TMEM108: variants seen among roughly 807,000 people sequenced by gnomAD.
TMEM108 encodes the protein cancer/testis antigen 124.
TMEM108 carries 12 observed loss-of-function variants against 35.1 expected under a neutral mutation model. That is an observed-to-expected ratio of 0.34 (90% CI 0.22 to 0.55). The LOEUF (loss-of-function observed/expected upper bound fraction) is 0.55. TMEM108 is among the 20% of genes least tolerant of loss of function. The probability of loss-of-function intolerance (pLI) is 0.89; values close to 1 mark genes in which losing one functional copy is unlikely to be tolerated. For missense variants in TMEM108, 680 were observed against 753.3 expected, an observed-to-expected ratio of 0.90 and a Z score of 1.14; for synonymous variants, 287 against 308.6, an observed-to-expected ratio of 0.93 and a Z score of 0.73.
chr3:133,275,150 C>T (rs1204198396), intron 3 of TMEM108, among the ~76,000 whole-genome samples: 1 of 152,072 alleles, frequency 6.6e-6, no homozygotes, highest in African/African-American at 2.4e-5. Context: ...TCTGACTCTA[C>T]AACTAACTGC....
At chr3:133,166,514 A>G (rs1301035678) in intron 2 of TMEM108, among the ~76,000 whole-genome samples, 1 of 152,028 alleles carries the variant, frequency 6.6e-6, no homozygotes, top group Non-Finnish European at 1.5e-5. Context: ...TGATGTTCGG[A>G]CGTGTTCGGA....
intron 2 of TMEM108, among the ~76,000 whole-genome samples, chr3:133,226,557 G>A (rs756683243): frequency 2.0e-5 from 3 of 152,046 alleles, no homozygotes; most frequent in Admixed American, 6.6e-5. Flanking sequence ...ATGCTGGTCC[G>A]TTTTGCTTCA....
chr3:133,258,943 G>A (rs1946586397), intron 3 of TMEM108, among the ~76,000 whole-genome samples: 1 of 152,190 alleles, frequency 6.6e-6, no homozygotes, highest in African/African-American at 2.4e-5. Flanking sequence ...GAAAATAATT[G>A]CTTTTGTTTT....
chr3:133,136,797 T>G (rs760680788), intron 2 of TMEM108, among the ~76,000 whole-genome samples: 18 of 152,166 alleles, frequency 1.2e-4, no homozygotes, highest in Admixed American at 2.0e-4. Flanking sequence ...ATGTTTTATT[T>G]GGGGAGCTGT....
chr3:133,146,640 G>A (rs2107762453), intron 2 of TMEM108, among the ~76,000 whole-genome samples: 1 of 152,252 alleles, frequency 6.6e-6, no homozygotes, highest in South Asian at 2.1e-4. Flanking sequence ...CTCAATTTTA[G>A]AACTTGTTAT....
chr3:133,141,738 A>G (rs1054108345), intron 2 of TMEM108, among the ~76,000 whole-genome samples: 17 of 152,180 alleles, frequency 1.1e-4, no homozygotes, highest in Admixed American at 2.6e-4. Context: ...AAAACAAAAT[A>G]TATCCACTTT....
At chr3:133,257,258 A>C (rs1241849765) in intron 3 of TMEM108, 1 of 152,226 alleles carries the variant, frequency 6.6e-6, no homozygotes, top group African/African-American at 2.4e-5. Flanking sequence ...AGGATTAACT[A>C]TAGACTTGTA....
intron 2 of TMEM108, among the ~76,000 whole-genome samples, chr3:133,183,712 A>T (rs77560257): frequency 6.6e-6 from 1 of 152,128 alleles, no homozygotes; most frequent in African/African-American, 2.4e-5. Flanking sequence ...TTGTTGAGGC[A>T]GGGAGTGGGC....
intron 2 of TMEM108, among the ~76,000 whole-genome samples, chr3:133,083,491 G>T (rs754098926): frequency 6.6e-6 from 1 of 152,188 alleles, no homozygotes; most frequent in Non-Finnish European, 1.5e-5. Context: ...CTTCCTCTCT[G>T]GTTTAATACT....
rs1347103832 is a variant in TMEM108, at chr3:133,217,423, TTGTTTGA to T, written c.-46-11839_-46-11833del. 3.3e-5 allele frequency among the ~76,000 whole-genome samples: 5 copies of T among 152,220 alleles called. No individual in the cohort carries two copies. In the South Asian group the frequency reaches 1.0e-3, roughly 32 times the overall value. On this transcript the variant is annotated intron_variant, in intron 2 of 5. Coordinates refer to ENST00000321871, the MANE Select transcript of TMEM108 (RefSeq NM_023943.4). ...TTTCTTTTGCTGTATAAAAGCTTGT[TTGTTTGA>T]TGTAATCTGATTTGTTTATTTTTGC...
At chr3:133,381,885 G>A (rs893708899) in intron 4 of TMEM108, among the ~76,000 whole-genome samples, 1 of 151,876 alleles carries the variant, frequency 6.6e-6, no homozygotes, top group Non-Finnish European at 1.5e-5. Context: ...TTTGTTCGTA[G>A]GTGATGTGAG....
chr3:133,266,290 A>G (rs1946695817), intron 3 of TMEM108, among the ~76,000 whole-genome samples: 1 of 152,160 alleles, frequency 6.6e-6, no homozygotes, highest in Non-Finnish European at 1.5e-5. Flanking sequence ...ATTCATGAAT[A>G]TCAATATTGG....
chr3:133,185,914 C>T (rs1945414357), intron 2 of TMEM108, among the ~76,000 whole-genome samples: 1 of 151,804 alleles, frequency 6.6e-6, no homozygotes, highest in Non-Finnish European at 1.5e-5. Flanking sequence ...ATTACAGGCA[C>T]ATGCCACCAC....
intron 3 of TMEM108, among the ~76,000 whole-genome samples, chr3:133,367,859 T>C (rs1426771571): frequency 6.6e-6 from 1 of 152,172 alleles, no homozygotes; most frequent in African/African-American, 2.4e-5. Context: ...AGTTCTTTTG[T>C]GAGGGGAGAG....
chr3:133,274,316 T>C (rs1458510174), intron 3 of TMEM108, among the ~76,000 whole-genome samples: 1 of 152,216 alleles, frequency 6.6e-6, no homozygotes, highest in African/African-American at 2.4e-5. Context: ...TAGGACAGTA[T>C]GTCGTGATTT....
At chr3:133,057,197 C>G (rs1019479840) in intron 2 of TMEM108, among the ~76,000 whole-genome samples, 5 of 152,090 alleles carry the variant, frequency 3.3e-5, no homozygotes, top group African/African-American at 4.8e-5. Flanking sequence ...TTCTCAACCT[C>G]TTGCTCAAAT....
At chr3:133,216,885 A>G (rs771156558) in intron 2 of TMEM108, among the ~76,000 whole-genome samples, 3 of 151,552 alleles carry the variant, frequency 2.0e-5, no homozygotes, top group Non-Finnish European at 4.4e-5. Flanking sequence ...GAATATTGCT[A>G]CAGTGAACAT....
intron 3 of TMEM108, among the ~76,000 whole-genome samples, chr3:133,372,214 T>C (rs548265776): frequency 2.2e-4 from 34 of 152,354 alleles, no homozygotes; most frequent in African/African-American, 4.3e-4. Context: ...AGCATTCCTC[T>C]ACTCATGTAG....
chr3:133,220,513 G>A (rs1945974465), intron 2 of TMEM108, among the ~76,000 whole-genome samples: 1 of 152,030 alleles, frequency 6.6e-6, no homozygotes, highest in Non-Finnish European at 1.5e-5. Context: ...TTTAGAAGGA[G>A]TTTATTCATT....
Sources: allele counts gnomAD v4.1 joint callset (sites outside exome capture counted in the v4.1 genomes callset), GRCh38; gene constraint gnomAD v4.1.1; transcripts MANE v1.5; gene names NCBI Gene and HGNC (gene_info 2026-07-23, HGNC 2026-07-21).